Variants in FAT3 observed in about 807,000 individuals in gnomAD.
FAT3 encodes protocadherin Fat 3.
FAT3 carries 95 observed loss-of-function variants against 310.2 expected under a neutral mutation model. The ratio of observed to expected loss-of-function variants is 0.31; its 90% CI spans 0.26 to 0.36. The LOEUF is 0.36. Among genes scored for constraint, FAT3 ranks in the 10% least tolerant of loss-of-function variants. FAT3 has a pLI of 1.00. For missense variants in FAT3, 5,408 were observed against 5,715.6 expected (o/e 0.95, Z 1.74); for synonymous variants, 2,314 against 2,192.9 (o/e 1.06, Z -1.54).
chr11:92,283,520 A>C (rs953843085), intron 1 of FAT3, among the ~76,000 whole-genome samples: 1 of 152,168 alleles, frequency 6.6e-6, no homozygotes, highest in Non-Finnish European at 1.5e-5. Flanking sequence ...TTGAGCTAGC[A>C]GCTCAGTGAA....
chr11:92,604,525 A>G (rs1940184454), intron 3 of FAT3, among the ~76,000 whole-genome samples: 1 of 152,138 alleles, frequency 6.6e-6, no homozygotes, highest in Non-Finnish European at 1.5e-5. Context: ...GCATGACCAC[A>G]TTACTCTTCC....
At chr11:92,783,502 TAAAAAAA>T (rs11349996) in intron 7 of FAT3, among the ~76,000 whole-genome samples, 1 of 140,298 alleles carries the variant, frequency 7.1e-6, no homozygotes, top group African/African-American at 2.6e-5. Context: ...CTTTTTTAAT[TAAAAAAA>T]AAAAAAAAAA....
chr11:92,562,622 A>T (rs1266277913), intron 3 of FAT3, among the ~76,000 whole-genome samples: 1 of 152,204 alleles, frequency 6.6e-6, no homozygotes. Context: ...CTGGAAAACC[A>T]GGAAAGCTGA....
At chr11:92,395,530 T>C (rs1296679552) in intron 2 of FAT3, among the ~76,000 whole-genome samples, 2 of 152,092 alleles carry the variant, frequency 1.3e-5, no homozygotes, top group South Asian at 2.1e-4. Context: ...CTTTTTTGCA[T>C]GCCTTCTTTT....
chr11:92,799,597 T>C lies in FAT3; in HGVS notation c.6584T>C (p.Val2195Ala), dbSNP rs754110605. ...GATAAGCCCTTTTATACAGCATCTGTCAATGAAGACATCAGAATGAACACA... is the reference window on the plus strand; with the variant it reads ...GATAAGCCCTTTTATACAGCATCTGCCAATGAAGACATCAGAATGAACACA... ...VFDKPFYTAS[V>A]NEDIRMNTPI... is the part of the protein sequence containing the mutation. The change falls in exon 10 of 28, where the codon GTC becomes GCC. Residue 2195 changes from valine to alanine, a missense_variant. Around this residue, in one of 5 missense-constraint regions of FAT3, gnomAD observed 4,588 missense variants for 4,809.8 expected, o/e 0.95. Transcript: ENST00000525166. 7.1e-5 allele frequency: 114 copies of C among 1,613,692 alleles called. 1 individual carries two copies. The East Asian group carries it at 2.5e-3, about 36-fold the overall frequency.
At chr11:92,372,584 T>C (rs1949219545) in intron 2 of FAT3, among the ~76,000 whole-genome samples, 5 of 152,044 alleles carry the variant, frequency 3.3e-5, no homozygotes, top group South Asian at 2.1e-4. Flanking sequence ...GATCCCTCTG[T>C]CTCTGGAACC....
intron 1 of FAT3, among the ~76,000 whole-genome samples, chr11:92,227,610 A>T (rs770752651): frequency 6.6e-6 from 1 of 152,162 alleles, no homozygotes; most frequent in Non-Finnish European, 1.5e-5. Context: ...TTCTGGTGTG[A>T]CGTGGAGATT....
rs72958553 is a variant in FAT3, at chr11:92,638,407, T to G, written c.3608-58977T>G. Among the ~76,000 whole-genome samples, 377 of 152,338 alleles carry G rather than the reference T, an allele frequency of 2.5e-3. 2 individuals are homozygous for G. The highest frequency in any genetic ancestry group is 7.6e-3 in the Admixed American group (117 of 15,302). On this transcript the variant is annotated intron_variant, in intron 3 of 27. Coordinates refer to ENST00000525166, the MANE Select transcript of FAT3 (RefSeq NM_001367949.2). ...TTTGCCTTAGCTAAGATCTCCAGTGTATTCCACTGTGATTGTCGATTTTTA... is the reference window on the plus strand; with the variant it reads ...TTTGCCTTAGCTAAGATCTCCAGTGGATTCCACTGTGATTGTCGATTTTTA...
chr11:92,574,669 C>A (rs555068110), intron 3 of FAT3, among the ~76,000 whole-genome samples: 1 of 152,214 alleles, frequency 6.6e-6, no homozygotes, highest in South Asian at 2.1e-4. Context: ...GGTTTGAGGT[C>A]AAGCCAAATC....
At position 92,880,813 on chromosome 11, in the gene FAT3, G is replaced by A. The variant is rs2136398320; in HGVS notation, c.12210G>A (p.Arg4070=). ...CAGCCTGCTTCCCAAACCCCTGCCGGAATGGAGGATCCTGCGATCCAATAG... is the reference window on the plus strand; with the variant it reads ...CAGCCTGCTTCCCAAACCCCTGCCGAAATGGAGGATCCTGCGATCCAATAG... The part of the protein sequence containing the change: ...EITACFPNPC[R]NGGSCDPIGN... The change falls in exon 23 of 28, where the codon CGG becomes CGA. Residue 4070 remains arginine (R), a synonymous_variant. Coordinates refer to ENST00000525166, the MANE Select transcript of FAT3 (RefSeq NM_001367949.2). The A allele has an allele frequency of 6.2e-7, 1 of 1,613,922 alleles. No individual in the cohort carries two copies. The highest frequency in any genetic ancestry group is 8.5e-7 in the Non-Finnish European group (1 of 1,179,864).
intron 21 of FAT3, among the ~76,000 whole-genome samples, chr11:92,864,602 G>C (rs1051593159): frequency 5.3e-5 from 8 of 152,124 alleles, no homozygotes; most frequent in African/African-American, 1.9e-4. Flanking sequence ...CAGATCACAC[G>C]GTCAGGAGAT....
intron 3 of FAT3, among the ~76,000 whole-genome samples, chr11:92,695,084 C>A (rs1388773056): frequency 2.0e-5 from 3 of 152,276 alleles, no homozygotes; most frequent in Middle Eastern, 3.4e-3. Context: ...ATCTCCATCA[C>A]CCCACCCCAC....
Position 92,584,986 on chromosome 11 carries a change from G to A in FAT3, c.3607+60038G>A, listed in dbSNP as rs190742070. Among the ~76,000 whole-genome samples the A allele has an allele frequency of 2.4e-4, 37 of 151,936 alleles. No individual in the cohort carries two copies. In the East Asian group the frequency reaches 7.0e-3, roughly 29 times the overall value. On this transcript the variant is annotated intron_variant, in intron 3 of 27. Transcript: ENST00000525166. The stretch of plus-strand genomic sequence containing the variant: ...TTGTAATATAAAATGATATCCCTTT[G>A]TATTTATGTAGAAGCTTTCATTTTA...
At chr11:92,375,907 T>A (rs1260588596) in intron 2 of FAT3, among the ~76,000 whole-genome samples, 2 of 152,192 alleles carry the variant, frequency 1.3e-5, no homozygotes, top group Non-Finnish European at 2.9e-5. Flanking sequence ...TTATCACACA[T>A]CTCTGCTTTT....
chr11:92,319,457 T>C (rs1034245296), intron 1 of FAT3, among the ~76,000 whole-genome samples: 6 of 152,200 alleles, frequency 3.9e-5, no homozygotes, highest in African/African-American at 1.4e-4. Context: ...AATAAACCAT[T>C]GTTTCTTCAA....
Position 92,478,907 on chromosome 11 carries a change from C to T in FAT3, c.3293-45727C>T, listed in dbSNP as rs371603209. On this transcript the variant is annotated intron_variant, in intron 2 of 27. Coordinates refer to ENST00000525166, the MANE Select transcript of FAT3 (RefSeq NM_001367949.2). ...CAGGGACTACAGGCATGAGCTACTG[C>T]GCCTGGCTGGCTTTCTTTCTTTCCT... 4.3e-5 allele frequency among the ~76,000 whole-genome samples: 6 copies of T among 138,690 alleles called. No individual in the cohort carries two copies. The South Asian group carries it at 7.6e-4, about 18-fold the overall frequency. The allele number at this position is 138,690 out of a possible 152,430, so 91.0% of individuals were successfully genotyped here.
At chr11:92,585,598 T>C (rs1478802892) in intron 3 of FAT3, among the ~76,000 whole-genome samples, 1 of 152,030 alleles carries the variant, frequency 6.6e-6, no homozygotes, top group East Asian at 1.9e-4. Flanking sequence ...TGTTAATCCC[T>C]ATAGCAGTCT....
intron 1 of FAT3, among the ~76,000 whole-genome samples, chr11:92,276,819 C>T (rs754859238): frequency 1.3e-5 from 2 of 152,138 alleles, no homozygotes; most frequent in African/African-American, 2.4e-5. Flanking sequence ...TGTTATGTGG[C>T]ATTACTGTGG....
At chr11:92,422,140 C>T (rs1466240424) in intron 2 of FAT3, among the ~76,000 whole-genome samples, 5 of 152,076 alleles carry the variant, frequency 3.3e-5, no homozygotes, top group African/African-American at 9.7e-5. Flanking sequence ...GTTTCCTTTG[C>T]CTATACTCCA....
Sources: allele counts gnomAD v4.1 joint callset (sites outside exome capture counted in the v4.1 genomes callset), GRCh38; gene constraint gnomAD v4.1.1; regional missense constraint gnomAD v4.1.1; transcripts MANE v1.5; gene names NCBI Gene and HGNC (gene_info 2026-07-23, HGNC 2026-07-21).